The following NME7 variants were observed in gnomAD, a reference collection of about 807,000 sequenced individuals.
NME7 encodes nucleoside diphosphate kinase 7.
Under a neutral mutation model 49.1 loss-of-function variants are expected in NME7, and 41 were observed. The ratio of observed to expected loss-of-function variants is 0.83; its 90% CI spans 0.65 to 1.08. The LOEUF (loss-of-function observed/expected upper bound fraction) is 1.08, where lower values mean the gene tolerates loss of function less well. NME7 is among the 50% of genes least tolerant of loss of function. The pLI is 0.00. For synonymous variants in NME7, 139 were observed against 150.6 expected (o/e 0.92, Z 0.56); for missense variants, 423 against 463.4 (o/e 0.91, Z 0.80).
At chr1:169,166,736 T>C (rs1323779019) in intron 11 of NME7, among the ~76,000 whole-genome samples, 1 of 152,114 alleles carries the variant, frequency 6.6e-6, no homozygotes, top group Non-Finnish European at 1.5e-5. Flanking sequence ...CCAGAACTTT[T>C]CGAGGCTGAG....
At chr1:169,345,048 T>C (rs1326906556) in intron 1 of NME7, among the ~76,000 whole-genome samples, 1 of 152,188 alleles carries the variant, frequency 6.6e-6, no homozygotes, top group Non-Finnish European at 1.5e-5. Context: ...CTATTTCTTC[T>C]TGAGTTTTAG....
chr1:169,187,858 T>G (rs1660118074), intron 10 of NME7, among the ~76,000 whole-genome samples: 1 of 152,210 alleles, frequency 6.6e-6, no homozygotes, highest in African/African-American at 2.4e-5. Flanking sequence ...TCTTTAAAAT[T>G]TGGTATGTTT....
chr1:169,203,096 C>T (rs1660592155), intron 10 of NME7, among the ~76,000 whole-genome samples: 1 of 152,236 alleles, frequency 6.6e-6, no homozygotes, highest in South Asian at 2.1e-4. Context: ...ATAAGAAAGG[C>T]TACACAAGTG....
chr1:169,352,100 C>T (rs1026143815), intron 1 of NME7, among the ~76,000 whole-genome samples: 1 of 151,446 alleles, frequency 6.6e-6, no homozygotes, highest in Non-Finnish European at 1.5e-5. Flanking sequence ...ATACCAAAAC[C>T]AGACAACAAC....
intron 10 of NME7, among the ~76,000 whole-genome samples, chr1:169,230,161 G>A (rs1438053093): frequency 5.3e-5 from 8 of 151,940 alleles, no homozygotes; most frequent in Non-Finnish European, 7.4e-5. Context: ...TTATCATAGC[G>A]TTCTAATGCT....
chr1:169,218,278 T>C (rs1009581203), intron 10 of NME7, among the ~76,000 whole-genome samples: 4 of 152,130 alleles, frequency 2.6e-5, no homozygotes, highest in Non-Finnish European at 5.9e-5. Flanking sequence ...CATTTCTCTA[T>C]ACAAAACTTT....
intron 10 of NME7, among the ~76,000 whole-genome samples, chr1:169,207,347 T>A (rs1660699911): frequency 6.6e-6 from 1 of 152,052 alleles, no homozygotes; most frequent in Non-Finnish European, 1.5e-5. Flanking sequence ...AGGCCCTACC[T>A]CCAATGCTGA....
At chr1:169,244,020 C>T (rs1042269146) in intron 7 of NME7, among the ~76,000 whole-genome samples, 1 of 114,706 alleles carries the variant, frequency 8.7e-6, no homozygotes, top group Admixed American at 8.5e-5. Context: ...TATGTATGTA[C>T]CTCAATTAAA....
chr1:169,330,783 G>A (rs1652225846), intron 1 of NME7, among the ~76,000 whole-genome samples: 1 of 152,042 alleles, frequency 6.6e-6, no homozygotes, highest in Middle Eastern at 3.2e-3. Flanking sequence ...GAAAACTCTA[G>A]AAGAAACAGA....
At chr1:169,170,609 G>T (rs1441839822) in intron 10 of NME7, among the ~76,000 whole-genome samples, 1 of 152,050 alleles carries the variant, frequency 6.6e-6, no homozygotes, top group Non-Finnish European at 1.5e-5. Context: ...TAGCAAGTAA[G>T]TATCCAATAT....
chr1:169,206,909 G>A (rs1163008325), intron 10 of NME7, among the ~76,000 whole-genome samples: 1 of 151,994 alleles, frequency 6.6e-6, no homozygotes, highest in East Asian at 1.9e-4. Context: ...TTATATTTAT[G>A]GAATTCTAAT....
At chr1:169,178,451 T>C (rs1468098999) in intron 10 of NME7, among the ~76,000 whole-genome samples, 1 of 152,096 alleles carries the variant, frequency 6.6e-6, no homozygotes, top group Non-Finnish European at 1.5e-5. Context: ...ACTGCCATGG[T>C]AGTAGCAGTG....
At chr1:169,292,646 A>G (rs940622326) in intron 6 of NME7, among the ~76,000 whole-genome samples, 25 of 152,172 alleles carry the variant, frequency 1.6e-4, no homozygotes, top group Non-Finnish European at 1.3e-4. Flanking sequence ...CTTGGAAACC[A>G]TGTCAAGGAG....
intron 10 of NME7, among the ~76,000 whole-genome samples, chr1:169,218,413 T>G (rs1367803889): frequency 6.6e-6 from 1 of 151,824 alleles, no homozygotes; most frequent in East Asian, 1.9e-4. Flanking sequence ...TGGTGGTACC[T>G]CCTCTCTACA....
chr1:169,324,557 T>A, intron 1 of NME7, 57 bp from the exon 2 acceptor site: 1 of 1,030,388 alleles, frequency 9.7e-7, no homozygotes. Flanking sequence ...AGCACTCTTC[T>A]GTAAGTCACA....
intron 1 of NME7, among the ~76,000 whole-genome samples, chr1:169,350,715 A>T (rs967018032): frequency 6.6e-6 from 1 of 152,162 alleles, no homozygotes; most frequent in African/African-American, 2.4e-5. Flanking sequence ...GAGATTAAAA[A>T]TAGAGAAGTG....
At chr1:169,302,004 G>T (rs879482761) in intron 5 of NME7, 1 of 151,598 alleles carries the variant, frequency 6.6e-6, no homozygotes, top group Non-Finnish European at 1.5e-5. Context: ...CCAAACCTCA[G>T]CATCACACAA....
chr1:169,343,293 T>C (rs957561066), intron 1 of NME7, among the ~76,000 whole-genome samples: 1 of 152,050 alleles, frequency 6.6e-6, no homozygotes, highest in African/African-American at 2.4e-5. Flanking sequence ...TCATGCATGG[T>C]GTGAGATTAG....
At chr1:169,187,803 G>T (rs796163003) in intron 10 of NME7, among the ~76,000 whole-genome samples, 16 of 151,850 alleles carry the variant, frequency 1.1e-4, no homozygotes, top group African/African-American at 3.9e-4. Flanking sequence ...AGCTAGCTGG[G>T]GTTTTTACCC....
Sources: gnomAD v4.1 joint callset for allele counts (sites outside exome capture counted in the v4.1 genomes callset) on GRCh38, gnomAD v4.1.1 for gene constraint, MANE v1.5 for transcripts, NCBI Gene and HGNC (gene_info 2026-07-23, HGNC 2026-07-21) for gene names.